The following USP34 variants were observed in gnomAD, a reference collection of about 807,000 sequenced individuals.
The protein encoded by USP34 is ubiquitin specific peptidase 34, also known as ubiquitin carboxyl-terminal hydrolase 34.
In USP34, 70 loss-of-function variants were observed where a neutral mutation model predicts 460.3. That is an observed-to-expected ratio of 0.15 (90% CI 0.13 to 0.19). The LOEUF (loss-of-function observed/expected upper bound fraction) is 0.19. Among genes scored for constraint, USP34 ranks in the 10% least tolerant of loss-of-function variants. USP34 has a pLI of 1.00. For synonymous variants in USP34, 1,647 were observed against 1,405.3 expected, an observed-to-expected ratio of 1.17 and a Z score of -3.85; for missense variants, 3,985 against 4,236.2, an observed-to-expected ratio of 0.94 and a Z score of 1.65.
rs748066436 is a variant in USP34 at position 61,190,636 on chromosome 2, A to T, written c.9611T>A (p.Ile3204Asn). ...AACAGGATCTTCACACAAAAGCTTGATGCAGTTTTTTGACATAGCAGACTA... is the reference window on the plus strand; with the variant it reads ...AACAGGATCTTCACACAAAAGCTTGTTGCAGTTTTTTGACATAGCAGACTA... ...QTQSAMSKNC[I>N]KLLCEDPVFA... is the part of the protein sequence containing the mutation. Residue 3204 changes from isoleucine (I) to asparagine (N), a missense_variant, in exon 77 of 80, where the codon ATC becomes AAC. Around this residue, in one of 14 missense-constraint regions of USP34, gnomAD observed 506 missense variants for 439.0 expected, o/e 1.15. Transcript: ENST00000398571. 1.2e-6 allele frequency: 2 copies of T among 1,613,762 alleles called. No homozygotes were observed. The highest frequency in any genetic ancestry group is 1.7e-6 in the Non-Finnish European group (2 of 1,179,944).
At chr2:61,369,921 A>G (rs946896940) in intron 10 of USP34, among the ~76,000 whole-genome samples, 6 of 151,618 alleles carry the variant, frequency 4.0e-5, no homozygotes, top group Non-Finnish European at 8.8e-5. Flanking sequence ...GAAAGGAAAA[A>G]CATGTAATAT....
intron 41 of USP34, among the ~76,000 whole-genome samples, chr2:61,274,479 A>T (rs1364909558): frequency 3.3e-5 from 5 of 151,996 alleles, no homozygotes; most frequent in Non-Finnish European, 5.9e-5. Context: ...TATTACAGTG[A>T]GATAGTTTCC....
At chr2:61,251,305 A>G (rs545784166) in intron 48 of USP34, among the ~76,000 whole-genome samples, 2 of 152,332 alleles carry the variant, frequency 1.3e-5, no homozygotes, top group South Asian at 2.1e-4. Flanking sequence ...CTAAAAAACT[A>G]TATTTCAAAA....
chr2:61,253,781 C>T (rs1029960582), intron 48 of USP34, among the ~76,000 whole-genome samples: 1 of 151,138 alleles, frequency 6.6e-6, no homozygotes, highest in Non-Finnish European at 1.5e-5. Flanking sequence ...GTCACCCAGG[C>T]TGGAGTGCAG....
At chr2:61,418,181 A>C (rs551959639) in intron 2 of USP34, among the ~76,000 whole-genome samples, 2 of 151,534 alleles carry the variant, frequency 1.3e-5, no homozygotes, top group Admixed American at 1.3e-4. Context: ...CCAGGTTCAA[A>C]CAATTCTGAT....
In USP34 at chr2:61,331,208, C is replaced by A. The variant is rs1218129559; in HGVS notation, c.2930+68G>T. The A allele has an allele frequency of 3.7e-6, 5 of 1,358,990 alleles. No homozygotes were observed. The Admixed American group carries it at 1.1e-4, about 31-fold the overall frequency. 84.2% of individuals were successfully genotyped at this position (1,358,990 alleles called of 1,614,324 possible). A position where few individuals can be genotyped will look rare whatever the true frequency, so the allele number is the denominator to read the frequency against. On this transcript the variant is annotated intron_variant, in intron 20 of 79. Transcript: ENST00000398571. ...TATTATATGAAAAAAAGTTAAAACACTGGAAAATCATCTTTCAAAGGAAAG... is the reference window on the plus strand; with the variant it reads ...TATTATATGAAAAAAAGTTAAAACAATGGAAAATCATCTTTCAAAGGAAAG...
chr2:61,345,443 TG>T (rs1330807749), intron 15 of USP34, among the ~76,000 whole-genome samples: 1 of 152,184 alleles, frequency 6.6e-6, no homozygotes, highest in East Asian at 1.9e-4. Context: ...CTGGAAGATC[TG>T]GCAAATTGTC....
intron 1 of USP34, among the ~76,000 whole-genome samples, chr2:61,443,034 G>A (rs1025495226): frequency 6.8e-6 from 1 of 147,838 alleles, no homozygotes; most frequent in Admixed American, 6.9e-5. Flanking sequence ...TAAGCCAGGA[G>A]CAGAAAGTTA....
chr2:61,393,042 A>G (rs1299680081), intron 5 of USP34, among the ~76,000 whole-genome samples: 3 of 152,234 alleles, frequency 2.0e-5, no homozygotes, highest in African/African-American at 7.2e-5. Context: ...GTCAAGTGTT[A>G]CATTATGAGT....
intron 10 of USP34, among the ~76,000 whole-genome samples, chr2:61,360,279 T>C (rs1286927385): frequency 1.3e-5 from 2 of 152,108 alleles, no homozygotes; most frequent in African/African-American, 2.4e-5. Context: ...AATGATCATA[T>C]ATATGTAGAA....
intron 13 of USP34, 37 bp from the exon 14 acceptor site, chr2:61,348,923 T>C (rs1381769705): frequency 6.3e-7 from 1 of 1,574,904 alleles, no homozygotes. Context: ...ACTTCTAATT[T>C]ATATTAACAT....
At chr2:61,394,186 C>T (rs1240748812) in intron 5 of USP34, among the ~76,000 whole-genome samples, 1 of 152,136 alleles carries the variant, frequency 6.6e-6, no homozygotes, top group African/African-American at 2.4e-5. Context: ...CTGATACTCA[C>T]AGGATACAGA....
chr2:61,397,493 C>T (rs1693571545), intron 3 of USP34, among the ~76,000 whole-genome samples: 1 of 144,030 alleles, frequency 6.9e-6, no homozygotes, highest in South Asian at 2.2e-4. Flanking sequence ...TGGCCAGGCC[C>T]GGTGGCTCAC....
chr2:61,187,942 G>T lies in USP34; in HGVS notation c.*160C>A, dbSNP rs1372955107. 9.8e-6 allele frequency: 14 copies of T among 1,432,270 alleles called. No homozygotes were observed. Among genetic ancestry groups the T allele is most frequent in the Non-Finnish European group, 1.0e-5 (11 of 1,091,166 alleles). 88.7% of individuals were successfully genotyped at this position (1,432,270 alleles called of 1,614,324 possible). On this transcript the variant is annotated 3_prime_UTR_variant, in exon 80 of 80. Transcript: ENST00000398571. ...CTGAAGATGCAAGTTTTTTTCATCT[G>T]GAGTTCTGCCTGACCAAGAATTAAG... is the stretch of plus-strand genomic sequence containing the variant.
At chr2:61,357,386 A>T (rs1428780691) in intron 10 of USP34, among the ~76,000 whole-genome samples, 2 of 152,232 alleles carry the variant, frequency 1.3e-5, no homozygotes, top group Non-Finnish European at 2.9e-5. Flanking sequence ...TACAGATAAA[A>T]TACAACAAAA....
chr2:61,236,428 T>C, intron 53 of USP34, 39 bp from the exon 54 acceptor site: 1 of 1,418,810 alleles, frequency 7.0e-7, no homozygotes, highest in Non-Finnish European at 9.6e-7. Context: ...TAAAGCAGTT[T>C]ACTTCATTAC....
Position 61,251,656 on chromosome 2 carries a change from T to C in USP34, c.6222-2973A>G, listed in dbSNP as rs572293047. Among the ~76,000 whole-genome samples, 112 of 152,344 alleles carry C rather than the reference T, an allele frequency of 7.4e-4. No homozygotes were observed. The Middle Eastern group carries it at 0.01, about 14-fold the overall frequency. On this transcript the variant is annotated intron_variant, in intron 48 of 79. Coordinates refer to ENST00000398571, the MANE Select transcript of USP34 (RefSeq NM_014709.4). ...CATTTGTTAATTTATTCCTATCCTT[T>C]GTCCTCAACTTTTGTGTGCTCTTAA...
chr2:61,300,632 C>T (rs1470002628), intron 29 of USP34, among the ~76,000 whole-genome samples: 2 of 151,368 alleles, frequency 1.3e-5, no homozygotes, highest in Non-Finnish European at 2.9e-5. Context: ...CCCATCTCTA[C>T]TAGAAATGCA....
intron 57 of USP34, among the ~76,000 whole-genome samples, chr2:61,235,328 C>T (rs76095742): frequency 5.9e-4 from 73 of 123,392 alleles, no homozygotes; most frequent in Non-Finnish European, 8.1e-4. Context: ...ATTTTTTTTT[C>T]TTTTTTTTTT....
Sources: gnomAD v4.1 joint callset for allele counts (sites outside exome capture counted in the v4.1 genomes callset) on GRCh38, gnomAD v4.1.1 for gene constraint, gnomAD v4.1.1 regional missense constraint, MANE v1.5 for transcripts, NCBI Gene and HGNC (gene_info 2026-07-23, HGNC 2026-07-21) for gene names.